The following ZNF32 variants were observed in gnomAD, a reference collection of about 807,000 sequenced individuals.
ZNF32 encodes the protein C2H2-546.
In ZNF32, 13 loss-of-function variants were observed where a neutral mutation model predicts 24.4. That is an observed-to-expected ratio of 0.53 (90% CI 0.35 to 0.85). The LOEUF is 0.85. Among genes scored for constraint, ZNF32 ranks in the 40% least tolerant of loss-of-function variants. The pLI, the probability that ZNF32 is intolerant of heterozygous loss-of-function variation, is 0.01. For missense variants in ZNF32, 239 were observed against 325.3 expected (o/e 0.73, Z 2.04); for synonymous variants, 115 against 117.4 (o/e 0.98, Z 0.13).
chr10:43,645,935 A>AC, intron 2 of ZNF32, 129 bp downstream of exon 2: 2 of 1,469,062 alleles, frequency 1.4e-6, no homozygotes, highest in South Asian at 2.9e-5. Context: ...TTTTCTTATA[A>AC]CCCTAGGAAC....
At chr10:43,645,799 T>G (rs755995080) in intron 2 of ZNF32, 24 of 471,590 alleles carry the variant, frequency 5.1e-5, no homozygotes, top group Admixed American at 4.0e-4. Context: ...TCCCTTGCCT[T>G]ATTCAGAGAC....
At chr10:43,645,640 TG>T (rs1281107252) in intron 2 of ZNF32, among the ~76,000 whole-genome samples, 4 of 152,220 alleles carry the variant, frequency 2.6e-5, no homozygotes, top group African/African-American at 9.6e-5. Flanking sequence ...AATTTTGGTT[TG>T]GAAGTTATTC....
At chr10:43,645,909 A>G (rs748881658) in intron 2 of ZNF32, 155 bp downstream of exon 2, 252 of 1,408,498 alleles carry the variant, frequency 1.8e-4, no homozygotes, top group Non-Finnish European at 2.2e-4. Context: ...ATTACTTCTA[A>G]CTCCAGCTCA....
chr10:43,644,425 AG>A lies in ZNF32; in HGVS notation c.446del (p.Ala149ValfsTer56). The A allele has an allele frequency of 6.2e-7, 1 of 1,614,176 alleles. No individual in the cohort carries two copies. Among genetic ancestry groups the A allele is most frequent in the South Asian group, 1.1e-5 (1 of 91,084 alleles). ...GTCCAGTGTGGAGTCTCTCGTGGAC[AG>A]CGAGACTACCTCGTTGACTGAAGCT... is the stretch of plus-strand genomic sequence containing the variant. The part of the protein sequence containing the change: ...GKSFSQRGSL[A>X]VHERLHTGQK... On this transcript the variant is annotated frameshift_variant, in exon 3 of 3. Transcript: ENST00000374433. LOFTEE classifies it high-confidence loss of function. The surrounding 1 kb of genome is among the most constrained non-coding windows in gnomAD (Gnocchi z 5.3).
chr10:43,648,552 CCCCGGGCACCGGGCCCG>C, intron 1 of ZNF32: 1 of 152,226 alleles, frequency 6.6e-6, no homozygotes, highest in East Asian at 2.0e-4. Context: ...AGGCCCCGGG[CCCCGGGCACCGGGCCCG>C]CCCTGCGTCC....
chr10:43,647,658 CA>C (rs1226521436), intron 1 of ZNF32: 2 of 152,192 alleles, frequency 1.3e-5, no homozygotes, highest in African/African-American at 4.8e-5. Context: ...GACTCACTTC[CA>C]ACTTGGAACA....
Position 43,646,074 on chromosome 10 carries a change from T to G in ZNF32, c.60A>C (p.Val20=). 1.9e-6 allele frequency: 3 copies of G among 1,614,170 alleles called. No individual in the cohort carries two copies. Among genetic ancestry groups the G allele is most frequent in the Non-Finnish European group, 2.5e-6 (3 of 1,180,002 alleles). Residue 20 remains valine (V), a synonymous_variant, in exon 2 of 3, where the codon GTA becomes GTC. Transcript: ENST00000374433. ...LDCHGRYAQN[V]AFFNVMTEAH... is the part of the protein sequence containing the mutation. Reference sequence around the variant, plus strand: ...AACTGACTCACTCACTGAAGAACGCTACATTCTGGGCATATCTTCCATGAC... The same window carrying G: ...AACTGACTCACTCACTGAAGAACGCGACATTCTGGGCATATCTTCCATGAC...
chr10:43,646,653 C>A (rs1409026325), intron 1 of ZNF32, among the ~76,000 whole-genome samples: 2 of 152,224 alleles, frequency 1.3e-5, no homozygotes, highest in Non-Finnish European at 2.9e-5. Context: ...AAAGACTTAA[C>A]AAGAGAGTCC....
intron 1 of ZNF32, chr10:43,647,634 A>AT (rs1839351331): frequency 6.6e-6 from 1 of 152,234 alleles, no homozygotes; most frequent in Admixed American, 6.5e-5. Flanking sequence ...AATCATTTAA[A>AT]TTTTTATTTG....
chr10:43,645,856 C>T lies in ZNF32; in HGVS notation c.70+208G>A, dbSNP rs533571036. 7.9e-5 allele frequency: 87 copies of T among 1,103,460 alleles called. 1 individual carries two copies. Among genetic ancestry groups the T allele is most frequent in the African/African-American group, 1.6e-4 (10 of 62,984 alleles). 68.4% of individuals were successfully genotyped at this position (1,103,460 alleles called of 1,614,324 possible). A position where few individuals can be genotyped will look rare whatever the true frequency, so the allele number is the denominator to read the frequency against. On this transcript the variant is annotated intron_variant, in intron 2 of 2. Transcript: ENST00000374433. ...CATTCATTCTCAGAGACTACTTCAA[C>T]GCTACCTCCATATCAAGATGGTTCT...
chr10:43,644,827 TAAG>T lies in ZNF32; in HGVS notation c.71-29_71-27del. ...CTGATAAAATGAGAGGGAAGTCATA[TAAG>T]AAGCACCAATAATGCTGAGTTAGAA... On this transcript the variant is annotated intron_variant, in intron 2 of 2. Transcript: ENST00000374433. This position sits in a 1 kb window ranked among gnomAD's most constrained non-coding sequence, Gnocchi z 5.3. 1 of 1,556,198 alleles carries T rather than the reference TAAG, an allele frequency of 6.4e-7. No homozygotes were observed. Among genetic ancestry groups the T allele is most frequent in the Non-Finnish European group, 8.6e-7 (1 of 1,156,350 alleles).
intron 2 of ZNF32, among the ~76,000 whole-genome samples, chr10:43,645,505 G>A (rs1002336711): frequency 6.6e-6 from 1 of 152,180 alleles, no homozygotes; most frequent in African/African-American, 2.4e-5. Context: ...GGAGCTTAAG[G>A]AAGTTAAATA....
At position 43,646,084 on chromosome 10, in the gene ZNF32, G is replaced by C; in HGVS notation, c.50C>G (p.Ala17Gly). ...ATLLDCHGRY[A>G]QNVAFFNVMT... ...CTCACTGAAGAACGCTACATTCTGG[G>C]CATATCTTCCATGACAGTCCAGCAG... The change falls in exon 2 of 3, where the codon GCC becomes GGC. Residue 17 changes from alanine (A) to glycine (G), a missense_variant. Physicochemically the swap from Ala to Gly is moderately conservative, Grantham distance 60. Transcript: ENST00000374433. 6.2e-7 allele frequency: 1 copy of C among 1,614,118 alleles called. No homozygotes were observed. The highest frequency in any genetic ancestry group is 8.5e-7 in the Non-Finnish European group (1 of 1,180,008).
chr10:43,646,213 AAAAC>A lies in ZNF32; in HGVS notation c.-69-15_-69-12del. The A allele has an allele frequency of 3.3e-6, 5 of 1,518,556 alleles. No homozygotes were observed. The highest frequency in any genetic ancestry group is 4.5e-6 in the Non-Finnish European group (5 of 1,110,082). 94.1% of individuals were successfully genotyped at this position (1,518,556 alleles called of 1,614,324 possible). A position where few individuals can be genotyped will look rare whatever the true frequency, so the allele number is the denominator to read the frequency against. Reference sequence around the variant, plus strand: ...GCTGTTCCTGAGCACCTGAGGGAGAAAAACAAACAGAAACAAACAGGAAAGGGCA... The same window carrying A: ...GCTGTTCCTGAGCACCTGAGGGAGAAAAACAGAAACAAACAGGAAAGGGCA... On this transcript the variant is annotated splice_polypyrimidine_tract_variant and intron_variant, in intron 1 of 2. Coordinates refer to ENST00000374433, the MANE Select transcript of ZNF32 (RefSeq NM_006973.3).
chr10:43,644,039 C>T lies in ZNF32; in HGVS notation c.*11G>A, dbSNP rs1839193260. The T allele has an allele frequency of 3.1e-6, 5 of 1,599,344 alleles. No individual in the cohort carries two copies. The highest frequency in any genetic ancestry group is 4.3e-6 in the Non-Finnish European group (5 of 1,173,530). ...TTAATTCATAAAGAGAACTTCTCTT[C>T]AGGAAAGTGGTCAAAGGGTGAGCCT... is the stretch of plus-strand genomic sequence containing the variant. On this transcript the variant is annotated 3_prime_UTR_variant, in exon 3 of 3. Coordinates refer to ENST00000374433, the MANE Select transcript of ZNF32 (RefSeq NM_006973.3). This position sits in a 1 kb window ranked among gnomAD's most constrained non-coding sequence, Gnocchi z 5.3.
rs140534258 is a variant in ZNF32, at chr10:43,644,886, C to G, written c.71-85G>C. The G allele has an allele frequency of 1.9e-5, 27 of 1,427,650 alleles. No individual in the cohort carries two copies. In the East Asian group the frequency reaches 5.6e-4, roughly 30 times the overall value. 88.4% of individuals were successfully genotyped at this position (1,427,650 alleles called of 1,614,324 possible). On this transcript the variant is annotated intron_variant, in intron 2 of 2. Coordinates refer to ENST00000374433, the MANE Select transcript of ZNF32 (RefSeq NM_006973.3). This position sits in a 1 kb window ranked among gnomAD's most constrained non-coding sequence, Gnocchi z 5.3. ...AAAAAGAAACATAATACTTTGAGTG[C>G]TTATGATGTGCCAGGCCTTATTCTT...
At chr10:43,647,371 G>A (rs1839339786) in intron 1 of ZNF32, among the ~76,000 whole-genome samples, 1 of 151,934 alleles carries the variant, frequency 6.6e-6, no homozygotes, top group African/African-American at 2.4e-5. Flanking sequence ...ACTACACCTG[G>A]CCCACATGAT....
At chr10:43,645,657 G>A (rs947572309) in intron 2 of ZNF32, among the ~76,000 whole-genome samples, 1 of 152,076 alleles carries the variant, frequency 6.6e-6, no homozygotes, top group African/African-American at 2.4e-5. Flanking sequence ...TATTCTCTAT[G>A]CAGATATTGA....
chr10:43,645,078 C>A, intron 2 of ZNF32: 1 of 296,236 alleles, frequency 3.4e-6, no homozygotes, highest in African/African-American at 2.2e-5. Flanking sequence ...CAACAAATAA[C>A]CTTGTAAGAT....
Sources: allele counts gnomAD v4.1 joint callset (sites outside exome capture counted in the v4.1 genomes callset), GRCh38; gene constraint gnomAD v4.1.1; non-coding constraint Gnocchi (gnomAD v3.1); transcripts MANE v1.5; gene names NCBI Gene and HGNC (gene_info 2026-07-23, HGNC 2026-07-21).